The following LEKR1 variants were observed in gnomAD, a reference collection of about 807,000 sequenced individuals.
LEKR1 encodes the protein leucine, glutamate and lysine rich 1.
LEKR1 carries 59 observed loss-of-function variants against 72.4 expected under a neutral mutation model. The observed-to-expected ratio is 0.82, with a 90% CI of 0.66 to 1.01. The LOEUF (loss-of-function observed/expected upper bound fraction) is 1.01, where lower values mean the gene tolerates loss of function less well. LEKR1 is among the 50% of genes least tolerant of loss of function. The probability of loss-of-function intolerance (pLI) is 0.00; values close to 1 mark genes in which losing one functional copy is unlikely to be tolerated. For missense variants in LEKR1, 728 were observed against 759.2 expected, an observed-to-expected ratio of 0.96 and a Z score of 0.48; for synonymous variants, 257 against 263.2, an observed-to-expected ratio of 0.98 and a Z score of 0.23.
At chr3:156,861,090 A>G (rs1319678331) in intron 3 of LEKR1, among the ~76,000 whole-genome samples, 1 of 152,176 alleles carries the variant, frequency 6.6e-6, no homozygotes, top group Non-Finnish European at 1.5e-5. Context: ...TCCTGAAACA[A>G]TATCAGGTAC....
At chr3:156,926,892 T>A (rs1724766031) in intron 4 of LEKR1, among the ~76,000 whole-genome samples, 5 of 151,950 alleles carry the variant, frequency 3.3e-5, no homozygotes, top group Admixed American at 3.3e-4. Context: ...ATTATTAAGA[T>A]AATTAAAACC....
At chr3:156,837,306 A>C (rs1367691301) in intron 2 of LEKR1, among the ~76,000 whole-genome samples, 1 of 152,220 alleles carries the variant, frequency 6.6e-6, no homozygotes, top group African/African-American at 2.4e-5. Flanking sequence ...GACTCACCCA[A>C]AGGCATGACA....
intron 3 of LEKR1, among the ~76,000 whole-genome samples, chr3:156,854,632 C>T (rs1273912862): frequency 6.6e-6 from 1 of 151,362 alleles, no homozygotes; most frequent in African/African-American, 2.4e-5. Flanking sequence ...CCTTGACCTT[C>T]CGGACTCAAG....
Position 157,033,526 on chromosome 3 carries a change from A to G in LEKR1, c.1668+5124A>G, listed in dbSNP as rs11919994. ...CAAGACCCTAACTCTCTCCAATTGT[A>G]TGAAGACTGAAAGAGATGAGGAAGC... On this transcript the variant is annotated intron_variant, in intron 12 of 12. Transcript: ENST00000356539. Among the ~76,000 whole-genome samples, 215 of 152,314 alleles carry G rather than the reference A, an allele frequency of 1.4e-3. 1 individual carries two copies. Among genetic ancestry groups the G allele is most frequent in the African/African-American group, 5.0e-3 (206 of 41,566 alleles).
At chr3:156,859,520 C>G (rs1037407080) in intron 3 of LEKR1, among the ~76,000 whole-genome samples, 3 of 152,154 alleles carry the variant, frequency 2.0e-5, no homozygotes, top group Non-Finnish European at 4.4e-5. Context: ...ACAGTCCCCA[C>G]ACTCACACAG....
intron 3 of LEKR1, among the ~76,000 whole-genome samples, chr3:156,908,448 A>G (rs1435616149): frequency 6.6e-6 from 1 of 152,118 alleles, no homozygotes; most frequent in Non-Finnish European, 1.5e-5. Context: ...TCATTCAGTT[A>G]TTTATATCAG....
rs960034208 is a variant in LEKR1 at position 157,028,437 on chromosome 3, C to G, written c.1668+35C>G. 5 of 1,500,612 alleles carry G rather than the reference C, an allele frequency of 3.3e-6. No individual in the cohort carries two copies. In the African/African-American group the frequency reaches 7.1e-5, roughly 21 times the overall value. The allele number at this position is 1,500,612 out of a possible 1,614,324, so 93.0% of individuals were successfully genotyped here. On this transcript the variant is annotated intron_variant, in intron 12 of 12. Transcript: ENST00000356539. ...AGATAGTGGTAACTTTGCAATTAAT[C>G]AAAGAGCACATGTTCTTTCAACAAA...
chr3:156,904,078 C>T (rs879805162), intron 3 of LEKR1, among the ~76,000 whole-genome samples: 1 of 152,168 alleles, frequency 6.6e-6, no homozygotes, highest in Non-Finnish European at 1.5e-5. Flanking sequence ...ATTTTATATG[C>T]TTTTCTATCC....
At position 156,898,386 on chromosome 3, in the gene LEKR1, G is replaced by GA. The variant is rs376508330; in HGVS notation, c.264-22180dup. On this transcript the variant is annotated intron_variant, in intron 3 of 12. Coordinates refer to ENST00000356539, the MANE Select transcript of LEKR1 (RefSeq NM_001004316.3). ...TAGGAATTTGGGCAAGATAAAAAAA[G>GA]AAAAAAAAATCAGAGCTTAGTCCTC... Among the ~76,000 whole-genome samples the GA allele has an allele frequency of 4.6e-5, 7 of 150,672 alleles. No homozygotes were observed. The South Asian group carries it at 8.4e-4, about 18-fold the overall frequency.
Position 156,859,690 on chromosome 3 carries a change from GAATACAGAATAGTTTCATT to G in LEKR1, c.263+6728_263+6746del, listed in dbSNP as rs1367287259. 2.0e-5 allele frequency among the ~76,000 whole-genome samples: 3 copies of G among 152,252 alleles called. No individual in the cohort carries two copies. The East Asian group carries it at 5.8e-4, about 29-fold the overall frequency. On this transcript the variant is annotated intron_variant, in intron 3 of 12. Coordinates refer to ENST00000356539, the MANE Select transcript of LEKR1 (RefSeq NM_001004316.3). The stretch of plus-strand genomic sequence containing the variant: ...TATAAAGACATTATCCACCATTGCA[GAATACAGAATAGTTTCATT>G]AATACAGAATAGTTTCATTCATACA...
At chr3:156,953,027 G>A (rs1727304282) in intron 6 of LEKR1, among the ~76,000 whole-genome samples, 3 of 151,342 alleles carry the variant, frequency 2.0e-5, no homozygotes, top group Non-Finnish European at 4.4e-5. Flanking sequence ...TGAAATATAT[G>A]TGTATTATTA....
At position 157,011,433 on chromosome 3, in the gene LEKR1, A is replaced by G. The variant is rs748358901; in HGVS notation, c.1130A>G (p.His377Arg). 1.2e-6 allele frequency: 2 copies of G among 1,613,024 alleles called. No individual in the cohort carries two copies. Among genetic ancestry groups the G allele is most frequent in the Non-Finnish European group, 1.7e-6 (2 of 1,179,146 alleles). Residue 377 changes from histidine to arginine, a missense_variant, in exon 10 of 13, where the codon CAT becomes CGT. Physicochemically the swap from His to Arg is conservative, Grantham distance 29 (BLOSUM62 0). Transcript: ENST00000356539. ...TTCAGGGAATTGATGCTGATTTCAC[A>G]TCAGAAAAGCATCGAGCAGCTGCAA... is the stretch of plus-strand genomic sequence containing the variant. The part of the protein sequence containing the change: ...KNERELMLIS[H>R]QKSIEQLQET...
intron 6 of LEKR1, among the ~76,000 whole-genome samples, chr3:156,967,321 T>C (rs1728719230): frequency 6.6e-6 from 1 of 151,992 alleles, no homozygotes; most frequent in South Asian, 2.1e-4. Context: ...ACGATCAAAC[T>C]ACTCTGAGCT....
intron 3 of LEKR1, among the ~76,000 whole-genome samples, chr3:156,898,616 A>G (rs11914959): frequency 0.87 from 132,025 of 152,028 alleles, 57,638 homozygotes; most frequent in African/African-American, 0.96. Flanking sequence ...TGTTACAGCC[A>G]CCCGGATGGA....
intron 3 of LEKR1, among the ~76,000 whole-genome samples, chr3:156,906,814 A>G (rs1722575352): frequency 6.6e-6 from 1 of 152,186 alleles, no homozygotes; most frequent in South Asian, 2.1e-4. Flanking sequence ...ATAAATATAT[A>G]CTAAAGAAGT....
Position 156,942,610 on chromosome 3 carries a change from T to C in LEKR1, c.641T>C (p.Leu214Ser), listed in dbSNP as rs1187850690. 4.7e-6 allele frequency: 6 copies of C among 1,265,478 alleles called. No homozygotes were observed. Among genetic ancestry groups the C allele is most frequent in the Non-Finnish European group, 5.1e-6 (5 of 974,802 alleles). The allele number at this position is 1,265,478 out of a possible 1,614,324, so 78.4% of individuals were successfully genotyped here. The change falls in exon 6 of 13, where the codon TTG becomes TCG. Residue 214 changes from leucine to serine, a missense_variant. Transcript: ENST00000356539. ...CLEKEMKNLK[L>S]LSDAAILRSQ... ...GAAAAGGAAATGAAAAATCTGAAAT[T>C]GTTGTCAGATGCAGCCATATTGAGA...
intron 6 of LEKR1, among the ~76,000 whole-genome samples, chr3:156,961,287 A>G (rs1446559935): frequency 1.3e-5 from 2 of 152,212 alleles, no homozygotes; most frequent in Non-Finnish European, 2.9e-5. Context: ...AAAATTCACA[A>G]ATTACAAAAT....
At chr3:156,936,467 C>CACACACACACACACACACACACACACACA in intron 5 of LEKR1, among the ~76,000 whole-genome samples, 1 of 70,150 alleles carries the variant, frequency 1.4e-5, no homozygotes, top group African/African-American at 3.2e-5. Context: ...ACACACACAC[C>CACACACACACACACACACACACACACACA]CCCCGTATGC....
chr3:156,970,348 T>C (rs924819274), intron 6 of LEKR1, among the ~76,000 whole-genome samples: 2 of 152,218 alleles, frequency 1.3e-5, no homozygotes, highest in Non-Finnish European at 2.9e-5. Flanking sequence ...ATCCCATTTG[T>C]CAATTTTGTC....
Sources: allele counts gnomAD v4.1 joint callset (sites outside exome capture counted in the v4.1 genomes callset), GRCh38; gene constraint gnomAD v4.1.1; transcripts MANE v1.5; gene names NCBI Gene and HGNC (gene_info 2026-07-23, HGNC 2026-07-21).